The following LDB2 variants were observed in gnomAD, a reference collection of about 807,000 sequenced individuals.
The protein encoded by LDB2 is LIM domain-binding protein 2.
LDB2 carries 12 observed loss-of-function variants against 44.3 expected under a neutral mutation model. That is an observed-to-expected ratio of 0.27 (90% confidence interval 0.17 to 0.44). The LOEUF (loss-of-function observed/expected upper bound fraction) is 0.44, where lower values mean the gene tolerates loss of function less well. LDB2 is among the 20% of genes least tolerant of loss of function. LDB2 has a pLI of 1.00. For synonymous variants in LDB2, 164 were observed against 174.8 expected, an observed-to-expected ratio of 0.94 and a Z score of 0.49; for missense variants, 344 against 473.5, an observed-to-expected ratio of 0.73 and a Z score of 2.54.
At chr4:16,588,457 A>G (rs1717775336) in intron 4 of LDB2, among the ~76,000 whole-genome samples, 1 of 152,198 alleles carries the variant, frequency 6.6e-6, no homozygotes, top group Non-Finnish European at 1.5e-5. Context: ...TATTGAAGTA[A>G]CCTCAATTTG....
At chr4:16,823,419 C>T (rs1782468439) in intron 1 of LDB2, among the ~76,000 whole-genome samples, 1 of 152,226 alleles carries the variant, frequency 6.6e-6, no homozygotes, top group Non-Finnish European at 1.5e-5. Context: ...TCACAGCATC[C>T]AATCCCATCC....
chr4:16,781,614 C>G (rs546127405), intron 1 of LDB2, among the ~76,000 whole-genome samples: 1 of 152,188 alleles, frequency 6.6e-6, no homozygotes, highest in Non-Finnish European at 1.5e-5. Flanking sequence ...ATACTAAATC[C>G]CTCAGAACAC....
intron 1 of LDB2, among the ~76,000 whole-genome samples, chr4:16,837,495 C>G (rs1160337147): frequency 5.3e-5 from 8 of 152,152 alleles, no homozygotes. Flanking sequence ...ATAACTTGCT[C>G]TATTGAATGT....
chr4:16,543,791 C>T (rs2152331265), intron 5 of LDB2, among the ~76,000 whole-genome samples: 1 of 152,114 alleles, frequency 6.6e-6, no homozygotes, highest in Admixed American at 6.5e-5. Context: ...AGAGCTTCTG[C>T]ACAGCAAAAG....
intron 2 of LDB2, among the ~76,000 whole-genome samples, chr4:16,627,568 A>G (rs1372600759): frequency 6.6e-6 from 1 of 152,166 alleles, no homozygotes; most frequent in East Asian, 1.9e-4. Context: ...TTTTATGGGT[A>G]GAAAACCCAA....
intron 1 of LDB2, among the ~76,000 whole-genome samples, chr4:16,761,522 G>A (rs1337508673): frequency 2.0e-5 from 3 of 152,140 alleles, no homozygotes; most frequent in African/African-American, 7.2e-5. Context: ...AGTCCTGCAG[G>A]TAACACTGCC....
intron 1 of LDB2, among the ~76,000 whole-genome samples, chr4:16,847,471 A>G (rs941329192): frequency 6.6e-6 from 1 of 152,256 alleles, no homozygotes; most frequent in South Asian, 2.1e-4. Context: ...TTCTTACATC[A>G]AAGATGTTTA....
At chr4:16,519,047 A>C (rs1307845429) in intron 5 of LDB2, among the ~76,000 whole-genome samples, 2 of 152,138 alleles carry the variant, frequency 1.3e-5, no homozygotes, top group Non-Finnish European at 2.9e-5. Context: ...TGCACATCCC[A>C]GTGTTTATAT....
chr4:16,753,217 G>A (rs1765824994), intron 2 of LDB2, among the ~76,000 whole-genome samples: 1 of 152,196 alleles, frequency 6.6e-6, no homozygotes, highest in South Asian at 2.1e-4. Context: ...ACCAAGGAGT[G>A]ATTTTCCCAG....
At chr4:16,565,345 T>C (rs1744106554) in intron 5 of LDB2, among the ~76,000 whole-genome samples, 1 of 152,226 alleles carries the variant, frequency 6.6e-6, no homozygotes, top group Non-Finnish European at 1.5e-5. Flanking sequence ...GCATCAATTA[T>C]TCTTATTAAT....
intron 5 of LDB2, among the ~76,000 whole-genome samples, chr4:16,561,722 T>G (rs1379647020): frequency 6.6e-6 from 1 of 152,134 alleles, no homozygotes; most frequent in East Asian, 1.9e-4. Context: ...AAAACTACTT[T>G]AAAGTTCACA....
intron 7 of LDB2, chr4:16,505,854 G>A (rs1719210892): frequency 6.5e-7 from 1 of 1,549,556 alleles, no homozygotes; most frequent in Non-Finnish European, 8.7e-7. Context: ...GAGGAGGACT[G>A]GAAGTGACTC....
chr4:16,759,291 G>A (rs1185328796), intron 1 of LDB2, 31 bp from the exon 2 acceptor site: 3 of 1,418,598 alleles, frequency 2.1e-6, no homozygotes, highest in Non-Finnish European at 1.0e-6. Context: ...TATTTAACAA[G>A]GGAAAGTGGG....
rs115381057 is a variant in LDB2 at position 16,814,765 on chromosome 4, T to A, written c.133-55505A>T. ...AAGAGAGTTTTTAAAAAAGGGGATATGACAAAGTGCTAGAATCAGGGGGTA... is the reference window on the plus strand; with the variant it reads ...AAGAGAGTTTTTAAAAAAGGGGATAAGACAAAGTGCTAGAATCAGGGGGTA... On this transcript the variant is annotated intron_variant, in intron 1 of 7. Transcript: ENST00000304523. 5.6e-3 allele frequency among the ~76,000 whole-genome samples: 858 copies of A among 152,282 alleles called. 3 individuals are homozygous for A. The highest frequency in any genetic ancestry group is 0.02 in the African/African-American group (811 of 41,562).
chr4:16,883,263 C>A (rs752745453), intron 1 of LDB2, among the ~76,000 whole-genome samples: 19 of 152,200 alleles, frequency 1.2e-4, no homozygotes, highest in Non-Finnish European at 1.9e-4. Context: ...AAACAGAAAT[C>A]AGCAGTCCAT....
At chr4:16,715,243 G>A (rs1756836763) in intron 2 of LDB2, among the ~76,000 whole-genome samples, 1 of 152,150 alleles carries the variant, frequency 6.6e-6, no homozygotes, top group Non-Finnish European at 1.5e-5. Flanking sequence ...CTCAAACAAG[G>A]ATTCCATGCT....
At chr4:16,851,587 CTT>C (rs1788270274) in intron 1 of LDB2, among the ~76,000 whole-genome samples, 1 of 149,812 alleles carries the variant, frequency 6.7e-6, no homozygotes, top group South Asian at 2.1e-4. Flanking sequence ...CAGCGAGACT[CTT>C]GTCTCCAAAA....
intron 5 of LDB2, among the ~76,000 whole-genome samples, chr4:16,555,153 T>C (rs1436541523): frequency 2.0e-5 from 3 of 151,768 alleles, no homozygotes; most frequent in Admixed American, 6.6e-5. Context: ...AAAATACTGA[T>C]GTCTGGATTC....
intron 5 of LDB2, among the ~76,000 whole-genome samples, chr4:16,539,261 G>T (rs1391685870): frequency 6.6e-6 from 1 of 152,110 alleles, no homozygotes; most frequent in Non-Finnish European, 1.5e-5. Context: ...GTAAAGAGAG[G>T]AGAAAAGGAG....
Sources: allele counts gnomAD v4.1 joint callset (sites outside exome capture counted in the v4.1 genomes callset), GRCh38; gene constraint gnomAD v4.1.1; transcripts MANE v1.5; gene names NCBI Gene and HGNC (gene_info 2026-07-23, HGNC 2026-07-21).